Variants in UNC13C observed in about 807,000 individuals in gnomAD.
The protein encoded by UNC13C is unc-13 homolog C.
A neutral mutation model predicts 245.4 loss-of-function variants in UNC13C; 174 were observed. The observed-to-expected ratio is 0.71, with a 90% CI of 0.63 to 0.80. The LOEUF is 0.80. Ranked by LOEUF, UNC13C falls within the 30% of genes least tolerant of loss-of-function variation. The pLI is 0.00. For synonymous variants in UNC13C, 992 were observed against 895.1 expected (o/e 1.11, Z -1.93); for missense variants, 2,829 against 2,602.9 (o/e 1.09, Z -1.89).
At chr15:54,561,990 C>T (rs556707949) in intron 29 of UNC13C, among the ~76,000 whole-genome samples, 2 of 151,726 alleles carry the variant, frequency 1.3e-5, no homozygotes, top group Non-Finnish European at 2.9e-5. Context: ...TCAGCCCCAG[C>T]GACTGAGAAA....
chr15:53,993,790 C>T (rs2140963780), intron 1 of UNC13C, among the ~76,000 whole-genome samples: 1 of 152,120 alleles, frequency 6.6e-6, no homozygotes, highest in South Asian at 2.1e-4. Context: ...CTCTAATTTC[C>T]TACAACATTC....
chr15:54,306,900 A>G (rs948342637), intron 13 of UNC13C, among the ~76,000 whole-genome samples: 1 of 152,020 alleles, frequency 6.6e-6, no homozygotes, highest in Non-Finnish European at 1.5e-5. Context: ...AGTCTGTTTT[A>G]ACTGCTTTAT....
rs78487143 is a variant in UNC13C, at chr15:54,194,875, G to A, written c.3072-40155G>A. Among the ~76,000 whole-genome samples the A allele has an allele frequency of 6.0e-3, 917 of 152,132 alleles. 52 individuals carry two copies. In the East Asian group the frequency reaches 0.11, roughly 18 times the overall value. ...GAAAGCAGCATTAAACACTAAACAT[G>A]TTTTTGTGAGAAAAAAATAAGACAA... is the stretch of plus-strand genomic sequence containing the variant. On this transcript the variant is annotated intron_variant, in intron 4 of 32. Coordinates refer to ENST00000260323, the MANE Select transcript of UNC13C (RefSeq NM_001080534.3).
chr15:53,903,090 G>A, the UNC13C span, among the ~76,000 whole-genome samples: 1 of 152,156 alleles, frequency 6.6e-6, no homozygotes, highest in South Asian at 2.1e-4. Flanking sequence ...TTATTTGCTT[G>A]TCTAAAACAT....
intron 2 of UNC13C, among the ~76,000 whole-genome samples, chr15:54,104,935 A>G (rs1404964655): frequency 6.6e-6 from 1 of 152,102 alleles, no homozygotes; most frequent in Non-Finnish European, 1.5e-5. Context: ...GGCAAGGCTG[A>G]ATTTGCATTG....
intron 2 of UNC13C, among the ~76,000 whole-genome samples, chr15:54,032,827 A>G (rs1896416802): frequency 6.6e-6 from 1 of 152,182 alleles, no homozygotes; most frequent in African/African-American, 2.4e-5. Context: ...AACTAATGGG[A>G]TTTGCAGGAA....
At chr15:54,255,785 C>T (rs1343663596) in intron 8 of UNC13C, among the ~76,000 whole-genome samples, 1 of 152,178 alleles carries the variant, frequency 6.6e-6, no homozygotes, top group Non-Finnish European at 1.5e-5. Context: ...AAGCCCTTCC[C>T]CTTCAGGCAC....
chr15:54,280,513 C>G (rs1333765435), intron 10 of UNC13C, among the ~76,000 whole-genome samples: 1 of 151,192 alleles, frequency 6.6e-6, no homozygotes, highest in Non-Finnish European at 1.5e-5. Flanking sequence ...ACAGCTATCA[C>G]AATAAGAATT....
chr15:54,549,484 C>T, intron 27 of UNC13C, 151 bp from the exon 28 acceptor site: 1 of 585,084 alleles, frequency 1.7e-6, no homozygotes, highest in Non-Finnish European at 2.9e-6. Flanking sequence ...ATATTTGACC[C>T]AATCTTTATA....
the UNC13C span, among the ~76,000 whole-genome samples, chr15:53,954,333 A>G: frequency 5.3e-5 from 8 of 152,182 alleles, no homozygotes; most frequent in African/African-American, 1.9e-4. Context: ...CTGAACTGTT[A>G]CTGTTAAGCA....
the UNC13C span, among the ~76,000 whole-genome samples, chr15:53,915,757 T>C: frequency 2.6e-5 from 4 of 152,246 alleles, no homozygotes; most frequent in Non-Finnish European, 4.4e-5. Context: ...CCAAAGTTGT[T>C]GCATTGTAGT....
At chr15:54,072,381 C>T (rs1314083305) in intron 2 of UNC13C, among the ~76,000 whole-genome samples, 2 of 152,106 alleles carry the variant, frequency 1.3e-5, no homozygotes, top group Non-Finnish European at 2.9e-5. Flanking sequence ...AAATCCAGGG[C>T]AACTGAATTT....
the UNC13C span, among the ~76,000 whole-genome samples, chr15:53,908,041 G>A: frequency 3.2e-4 from 47 of 146,692 alleles, 3 homozygotes; most frequent in African/African-American, 1.1e-3. Context: ...TAGAAAGAGG[G>A]GCAGTGGGAA....
intron 19 of UNC13C, among the ~76,000 whole-genome samples, chr15:54,457,610 G>T (rs906132175): frequency 6.6e-6 from 1 of 151,892 alleles, no homozygotes. Context: ...TAGGAGGCTT[G>T]CATCTTTCCA....
intron 8 of UNC13C, among the ~76,000 whole-genome samples, chr15:54,262,236 T>A (rs897663852): frequency 2.0e-5 from 3 of 152,232 alleles, no homozygotes; most frequent in South Asian, 2.1e-4. Context: ...TAACTCTCCA[T>A]GACTTTAGCA....
chr15:54,424,757 G>A (rs1468378380), intron 19 of UNC13C, among the ~76,000 whole-genome samples: 1 of 151,674 alleles, frequency 6.6e-6, no homozygotes, highest in African/African-American at 2.4e-5. Flanking sequence ...AGTAGAAGAG[G>A]AAGATATAGG....
At chr15:54,619,523 G>A (rs928560723) in intron 30 of UNC13C, among the ~76,000 whole-genome samples, 1 of 152,148 alleles carries the variant, frequency 6.6e-6, no homozygotes, top group African/African-American at 2.4e-5. Context: ...GGAACACAGT[G>A]ACCATTCACC....
At chr15:53,963,349 C>G in the UNC13C span, among the ~76,000 whole-genome samples, 1 of 152,260 alleles carries the variant, frequency 6.6e-6, no homozygotes, top group East Asian at 1.9e-4. Flanking sequence ...GACAGACTGT[C>G]ACAATGAAAT....
In UNC13C at chr15:54,294,153, T is replaced by C. The variant is rs940608957; in HGVS notation, c.3988+89T>C. Reference sequence around the variant, plus strand: ...TATTACATTCCCATATAAGTAAAAATAACCAATGCCTTTCCAGGACATTCT... The same window carrying C: ...TATTACATTCCCATATAAGTAAAAACAACCAATGCCTTTCCAGGACATTCT... On this transcript the variant is annotated intron_variant, in intron 11 of 32. Transcript: ENST00000260323. The C allele has an allele frequency of 1.1e-5, 13 of 1,146,954 alleles. 1 individual carries two copies. In the Middle Eastern group the frequency reaches 1.1e-3, roughly 101 times the overall value. The allele number at this position is 1,146,954 out of a possible 1,614,324, so 71.0% of individuals were successfully genotyped here. A position where few individuals can be genotyped will look rare whatever the true frequency, so the allele number is the denominator to read the frequency against.
Sources: allele counts gnomAD v4.1 joint callset (sites outside exome capture counted in the v4.1 genomes callset), GRCh38; gene constraint gnomAD v4.1.1; transcripts MANE v1.5; gene names NCBI Gene and HGNC (gene_info 2026-07-23, HGNC 2026-07-21).